The following HCN1 variants were observed in gnomAD, a reference collection of about 807,000 sequenced individuals.
HCN1 encodes potassium/sodium hyperpolarization-activated cyclic nucleotide-gated channel 1.
Under a neutral mutation model 78.9 loss-of-function variants are expected in HCN1, and 13 were observed. The ratio of observed to expected loss-of-function variants is 0.16; its 90% CI spans 0.11 to 0.26. HCN1 has a LOEUF of 0.26. Among genes scored for constraint, HCN1 ranks in the 10% least tolerant of loss-of-function variants. The pLI, the probability that HCN1 is intolerant of heterozygous loss-of-function variation, is 1.00. For missense variants in HCN1, 810 were observed against 1,154.3 expected, an observed-to-expected ratio of 0.70 and a Z score of 4.32; for synonymous variants, 552 against 455.5, an observed-to-expected ratio of 1.21 and a Z score of -2.70.
intron 1 of HCN1, among the ~76,000 whole-genome samples, chr5:45,694,694 T>C (rs781572309): frequency 3.3e-5 from 5 of 152,218 alleles, no homozygotes; most frequent in South Asian, 4.1e-4. Context: ...AGTCCAGCCT[T>C]GTTCAGGAGC....
intron 4 of HCN1, among the ~76,000 whole-genome samples, chr5:45,373,774 T>A (rs1747500049): frequency 8.1e-6 from 1 of 123,094 alleles, no homozygotes; most frequent in Non-Finnish European, 1.6e-5. Flanking sequence ...TCATCTATAA[T>A]ATATTACATA....
At chr5:45,555,938 C>A (rs1399637413) in intron 2 of HCN1, among the ~76,000 whole-genome samples, 1 of 151,674 alleles carries the variant, frequency 6.6e-6, no homozygotes. Flanking sequence ...AACAAAAGTG[C>A]CAAGACGATA....
chr5:45,320,010 C>G (rs949441635), intron 5 of HCN1, among the ~76,000 whole-genome samples: 26 of 151,912 alleles, frequency 1.7e-4, no homozygotes, highest in African/African-American at 5.3e-4. Context: ...AAGTTTTAAG[C>G]ATGGTAGCTA....
chr5:45,498,671 G>C, intron 2 of HCN1, among the ~76,000 whole-genome samples: 1 of 152,088 alleles, frequency 6.6e-6, no homozygotes, highest in Non-Finnish European at 1.5e-5. Flanking sequence ...CTGCTTTTTA[G>C]AGTTTCCAGT....
At chr5:45,381,099 A>G (rs1014198059) in intron 4 of HCN1, among the ~76,000 whole-genome samples, 4 of 152,176 alleles carry the variant, frequency 2.6e-5, no homozygotes, top group Non-Finnish European at 5.9e-5. Context: ...TAATTTATGT[A>G]AGAATCTCAA....
chr5:45,693,121 A>G (rs1019957168), intron 1 of HCN1, among the ~76,000 whole-genome samples: 4 of 152,220 alleles, frequency 2.6e-5, no homozygotes, highest in African/African-American at 7.2e-5. Context: ...GTATCTGTTG[A>G]AAATTACTCA....
At chr5:45,517,086 T>C (rs1742528763) in intron 2 of HCN1, among the ~76,000 whole-genome samples, 1 of 151,994 alleles carries the variant, frequency 6.6e-6, no homozygotes, top group African/African-American at 2.4e-5. Flanking sequence ...TGAGCCTTTA[T>C]TGACATATTC....
At chr5:45,659,950 A>G (rs566485670) in intron 1 of HCN1, among the ~76,000 whole-genome samples, 1 of 146,556 alleles carries the variant, frequency 6.8e-6, no homozygotes, top group East Asian at 2.0e-4. Context: ...GGAAATACAG[A>G]GAACGCCACA....
intron 2 of HCN1, among the ~76,000 whole-genome samples, chr5:45,584,465 G>T (rs900693858): frequency 2.6e-5 from 4 of 152,054 alleles, no homozygotes; most frequent in African/African-American, 7.2e-5. Context: ...CACACTGATG[G>T]GTCTTGACTC....
At chr5:45,661,345 G>T (rs1420084596) in intron 1 of HCN1, among the ~76,000 whole-genome samples, 77 of 149,404 alleles carry the variant, frequency 5.2e-4, no homozygotes, top group African/African-American at 1.6e-3. Context: ...GCCTACAAGA[G>T]AAAGCAGGAA....
chr5:45,633,502 A>G (rs1745304709), intron 2 of HCN1, among the ~76,000 whole-genome samples: 1 of 151,986 alleles, frequency 6.6e-6, no homozygotes, highest in African/African-American at 2.4e-5. Flanking sequence ...CTTTAGAGCC[A>G]TTCTCGAAAT....
chr5:45,288,913 G>C lies in HCN1; in HGVS notation c.1618+14686C>G, dbSNP rs1295629383. 3.3e-5 allele frequency among the ~76,000 whole-genome samples: 5 copies of C among 152,124 alleles called. No homozygotes were observed. The East Asian group carries it at 7.8e-4, about 24-fold the overall frequency. ...ATGGGAAAGGAGCAAGCTAGAGACA[G>C]AGTTGAAATGAGAACACAGTGAGAA... is the stretch of plus-strand genomic sequence containing the variant. On this transcript the variant is annotated intron_variant, in intron 6 of 7. Coordinates refer to ENST00000303230, the MANE Select transcript of HCN1 (RefSeq NM_021072.4).
intron 6 of HCN1, among the ~76,000 whole-genome samples, chr5:45,293,415 A>C (rs949276747): frequency 1.3e-4 from 19 of 151,974 alleles, no homozygotes; most frequent in Non-Finnish European, 2.5e-4. Context: ...AGGCGGGAAG[A>C]TCACTTAAGC....
intron 2 of HCN1, among the ~76,000 whole-genome samples, chr5:45,489,859 C>T (rs553942242): frequency 2.0e-5 from 3 of 152,120 alleles, no homozygotes; most frequent in East Asian, 3.8e-4. Flanking sequence ...ACATGACAAA[C>T]AACTAACCTA....
intron 2 of HCN1, among the ~76,000 whole-genome samples, chr5:45,542,311 A>T (rs1341286544): frequency 6.6e-6 from 1 of 152,096 alleles, no homozygotes; most frequent in African/African-American, 2.4e-5. Flanking sequence ...TCATTTTTGC[A>T]ATTTCCCAAT....
At chr5:45,565,114 A>G (rs960958570) in intron 2 of HCN1, among the ~76,000 whole-genome samples, 6 of 152,230 alleles carry the variant, frequency 3.9e-5, no homozygotes, top group African/African-American at 1.4e-4. Context: ...GGCTGGTCCA[A>G]TGGAAATGAC....
At chr5:45,654,182 C>T (rs913029676) in intron 1 of HCN1, among the ~76,000 whole-genome samples, 7 of 151,946 alleles carry the variant, frequency 4.6e-5, no homozygotes, top group Admixed American at 4.6e-4. Flanking sequence ...TAAATATAAC[C>T]CATGAATTAT....
intron 4 of HCN1, among the ~76,000 whole-genome samples, chr5:45,371,345 C>T (rs1272936660): frequency 1.3e-5 from 2 of 151,714 alleles, no homozygotes; most frequent in East Asian, 3.9e-4. Flanking sequence ...GAGTTGGTTC[C>T]TTGAAAAAAT....
At chr5:45,373,986 T>C (rs553560212) in intron 4 of HCN1, among the ~76,000 whole-genome samples, 11 of 112,572 alleles carry the variant, frequency 9.8e-5, no homozygotes, top group African/African-American at 4.4e-4. Flanking sequence ...AGATACATAA[T>C]ATATATAATA....
Sources: allele counts gnomAD v4.1 joint callset (sites outside exome capture counted in the v4.1 genomes callset), GRCh38; gene constraint gnomAD v4.1.1; transcripts MANE v1.5; gene names NCBI Gene and HGNC (gene_info 2026-07-23, HGNC 2026-07-21).